The following DUSP5 variants were observed in gnomAD, a reference collection of about 807,000 sequenced individuals.
DUSP5 encodes dual specificity phosphatase 5, also known as dual specificity protein phosphatase 5.
A neutral mutation model predicts 33.6 loss-of-function variants in DUSP5; 22 were observed. The ratio of observed to expected loss-of-function variants is 0.66; its 90% CI spans 0.47 to 0.94. The LOEUF (loss-of-function observed/expected upper bound fraction) is 0.94, where lower values mean the gene tolerates loss of function less well. DUSP5 is among the 40% of genes least tolerant of loss of function. The pLI is 0.00. For missense variants in DUSP5, 551 were observed against 522.1 expected (o/e 1.06, Z -0.54); for synonymous variants, 270 against 231.1 (o/e 1.17, Z -1.53).
chr10:110,500,090 T>A (rs565170469), intron 1 of DUSP5, among the ~76,000 whole-genome samples: 3 of 152,376 alleles, frequency 2.0e-5, no homozygotes, highest in African/African-American at 7.2e-5. Flanking sequence ...AGAACCCAGT[T>A]CCACTCCCCA....
intron 1 of DUSP5, among the ~76,000 whole-genome samples, chr10:110,502,409 C>G (rs1292017324): frequency 6.6e-6 from 1 of 152,178 alleles, no homozygotes; most frequent in Admixed American, 6.5e-5. Flanking sequence ...CCTTTGTTTT[C>G]TGGAGGGATT....
chr10:110,501,939 C>T (rs1860054650), intron 1 of DUSP5, among the ~76,000 whole-genome samples: 1 of 146,368 alleles, frequency 6.8e-6, no homozygotes, highest in Non-Finnish European at 1.5e-5. Flanking sequence ...CTGAGAGTCA[C>T]ACATGCCGTA....
rs1371994074 is a variant in DUSP5, at chr10:110,510,114, C to G, written c.843C>G (p.Thr281=). ...PTICMAYLMK[T]KQFRLKEAFD... is the part of the protein sequence containing the mutation. ...TCTGCATGGCTTACCTTATGAAGAC[C>G]AAGCAGTTCCGCCTGAAGGAGGCCT... Residue 281 remains threonine (T), a synonymous_variant, in exon 4 of 4, where the codon ACC becomes ACG. Coordinates refer to ENST00000369583, the MANE Select transcript of DUSP5 (RefSeq NM_004419.4). 1 of 1,614,164 alleles carries G rather than the reference C, an allele frequency of 6.2e-7. No individual in the cohort carries two copies. The highest frequency in any genetic ancestry group is 2.2e-5 in the East Asian group (1 of 44,868).
intron 1 of DUSP5, among the ~76,000 whole-genome samples, chr10:110,500,434 C>T (rs146522991): frequency 1.3e-4 from 20 of 152,336 alleles, no homozygotes; most frequent in African/African-American, 4.8e-4. Flanking sequence ...CATGCCTACC[C>T]TTATAACACT....
At chr10:110,500,547 G>A (rs1234455806) in intron 1 of DUSP5, among the ~76,000 whole-genome samples, 2 of 152,162 alleles carry the variant, frequency 1.3e-5, no homozygotes, top group Admixed American at 6.5e-5. Context: ...AGATCTTGGT[G>A]GGGGCAATGC....
chr10:110,502,187 A>C (rs1860059812), intron 1 of DUSP5, among the ~76,000 whole-genome samples: 1 of 152,092 alleles, frequency 6.6e-6, no homozygotes, highest in African/African-American at 2.4e-5. Context: ...GCACCTTGGG[A>C]GTGAGAAGCA....
chr10:110,500,929 G>T (rs1039680839), intron 1 of DUSP5, among the ~76,000 whole-genome samples: 2 of 152,146 alleles, frequency 1.3e-5, no homozygotes, highest in East Asian at 1.9e-4. Flanking sequence ...GCCCACACCC[G>T]AACCTCTTAT....
chr10:110,499,331 A>G (rs1255252225), intron 1 of DUSP5, among the ~76,000 whole-genome samples: 2 of 152,184 alleles, frequency 1.3e-5, no homozygotes, highest in East Asian at 3.9e-4. Context: ...ATTGACTCTC[A>G]AAATCCAAAG....
chr10:110,501,407 G>T (rs1171887494), intron 1 of DUSP5, among the ~76,000 whole-genome samples: 1 of 152,150 alleles, frequency 6.6e-6, no homozygotes, highest in Non-Finnish European at 1.5e-5. Context: ...CTAAGTGGGG[G>T]CGGGGCAGTT....
chr10:110,510,760 G>A lies in DUSP5; in HGVS notation c.*334G>A, dbSNP rs1430390972. 4.3e-6 allele frequency: 1 copy of A among 235,070 alleles called. No homozygotes were observed. The highest frequency in any genetic ancestry group is 8.4e-5 in the East Asian group (1 of 11,844). 14.6% of individuals were successfully genotyped at this position (235,070 alleles called of 1,614,324 possible). A position where few individuals can be genotyped will look rare whatever the true frequency, so the allele number is the denominator to read the frequency against. ...GGCAATAAATACCTGCAGCAACGTG[G>A]GAGAAAGAAGTTGCTGGACCAGGAG... On this transcript the variant is annotated 3_prime_UTR_variant, in exon 4 of 4. Coordinates refer to ENST00000369583, the MANE Select transcript of DUSP5 (RefSeq NM_004419.4).
rs1393386620 is a variant in DUSP5, at chr10:110,497,935, G to A, written c.-187G>A. 3 of 300,494 alleles carry A rather than the reference G, an allele frequency of 1.0e-5. No individual in the cohort carries two copies. The highest frequency in any genetic ancestry group is 1.5e-5 in the Non-Finnish European group (3 of 204,230). The allele number at this position is 300,494 out of a possible 1,614,324, so 18.6% of individuals were successfully genotyped here. ...TTCTAGGGCGGCGAGCGGCCGGGCT[G>A]GCTATCGAGCGAGCGGGGCGGGAAC... On this transcript the variant is annotated 5_prime_UTR_variant, in exon 1 of 4. Transcript: ENST00000369583.
intron 1 of DUSP5, among the ~76,000 whole-genome samples, chr10:110,500,533 T>A (rs1395696352): frequency 1.3e-5 from 2 of 152,264 alleles, no homozygotes; most frequent in Admixed American, 1.3e-4. Flanking sequence ...TCTGGTGGCA[T>A]CTCAGATCTT....
chr10:110,498,700 G>A (rs1859996945), intron 1 of DUSP5, among the ~76,000 whole-genome samples, 200 bp downstream of exon 1: 1 of 152,190 alleles, frequency 6.6e-6, no homozygotes, highest in South Asian at 2.1e-4. Flanking sequence ...CGCGTTCCTC[G>A]AAAGCGCCCG....
intron 2 of DUSP5, chr10:110,503,545 G>A (rs1237733389): frequency 6.6e-6 from 1 of 152,154 alleles, no homozygotes; most frequent in African/African-American, 2.4e-5. Flanking sequence ...TCATTAAAGG[G>A]AAAAATAAAG....
rs1860185332 is a variant in DUSP5 at position 110,510,985 on chromosome 10, C to T, written c.*559C>T. 6.5e-6 allele frequency: 1 copy of T among 152,848 alleles called. No individual in the cohort carries two copies. Among genetic ancestry groups the T allele is most frequent in the African/African-American group, 2.4e-5 (1 of 41,444 alleles). The allele number at this position is 152,848 out of a possible 1,614,324, so 9.5% of individuals were successfully genotyped here. A position where few individuals can be genotyped will look rare whatever the true frequency, so the allele number is the denominator to read the frequency against. On this transcript the variant is annotated 3_prime_UTR_variant, in exon 4 of 4. Transcript: ENST00000369583. ...AACCCTGAAATGTTGTGTAGACACC[C>T]TCTTGGGTCCAATGAGGTAGTTGGT...
chr10:110,502,861 T>G lies in DUSP5; in HGVS notation c.520T>G (p.Tyr174Asp). The change falls in exon 2 of 4, where the codon TAT (tyrosine) becomes GAT (aspartate). Residue 174 changes from tyrosine to aspartate, a missense_variant. This residue lies in a region of DUSP5 where 381 missense variants were observed against 310.4 expected (regional missense o/e 1.23). Coordinates refer to ENST00000369583, the MANE Select transcript of DUSP5 (RefSeq NM_004419.4). ...PVVNVSYRPA[Y>D]DQGGPVEILP... ...GGTAAATGTCAGCTACAGGCCAGCT[T>G]ATGACCAGGTACGTGATGTGATGGG... The G allele has an allele frequency of 6.2e-7, 1 of 1,614,154 alleles. No homozygotes were observed. Among genetic ancestry groups the G allele is most frequent in the Non-Finnish European group, 8.5e-7 (1 of 1,180,008 alleles).
intron 1 of DUSP5, among the ~76,000 whole-genome samples, chr10:110,500,298 A>G (rs1860027913): frequency 1.3e-5 from 2 of 152,158 alleles, no homozygotes; most frequent in Non-Finnish European, 2.9e-5. Flanking sequence ...GTCCCGCCTC[A>G]CTGCTCCAAG....
rs559452362 is a variant in DUSP5 at position 110,507,621 on chromosome 10, A to G, written c.748+467A>G. Among the ~76,000 whole-genome samples the G allele has an allele frequency of 4.7e-4, 72 of 152,202 alleles. 1 individual carries two copies. The highest frequency in any genetic ancestry group is 8.5e-4 in the Non-Finnish European group (58 of 68,034). On this transcript the variant is annotated intron_variant, in intron 3 of 3. Coordinates refer to ENST00000369583, the MANE Select transcript of DUSP5 (RefSeq NM_004419.4). Reference sequence around the variant, plus strand: ...TACTCTTGGTGAACGGCTTGGGGCAATTTGTTTTGCATTTTCAGCTAATTT... The same window carrying G: ...TACTCTTGGTGAACGGCTTGGGGCAGTTTGTTTTGCATTTTCAGCTAATTT...
intron 3 of DUSP5, 46 bp downstream of exon 3, chr10:110,507,200 G>T: frequency 6.3e-7 from 1 of 1,580,290 alleles, no homozygotes; most frequent in South Asian, 1.1e-5. Context: ...GCCCCTTTGG[G>T]GCATGTGTTC....
Sources: allele counts gnomAD v4.1 joint callset (sites outside exome capture counted in the v4.1 genomes callset), GRCh38; gene constraint gnomAD v4.1.1; regional missense constraint gnomAD v4.1.1; transcripts MANE v1.5; gene names NCBI Gene and HGNC (gene_info 2026-07-23, HGNC 2026-07-21).